DGKB: variants seen among roughly 807,000 people sequenced by gnomAD.
DGKB encodes diacylglycerol kinase beta, also known as 90 kDa diacylglycerol kinase.
DGKB carries 67 observed loss-of-function variants against 114.3 expected under a neutral mutation model. The ratio of observed to expected loss-of-function variants is 0.59; its 90% CI spans 0.48 to 0.72. DGKB has a LOEUF of 0.72. DGKB is among the 30% of genes least tolerant of loss of function. The pLI, the probability that DGKB is intolerant of heterozygous loss-of-function variation, is 0.00. For synonymous variants in DGKB, 398 were observed against 323.1 expected (o/e 1.23, Z -2.49); for missense variants, 907 against 975.2 (o/e 0.93, Z 0.93).
chr7:14,289,878 T>G (rs1801485002), intron 23 of DGKB, among the ~76,000 whole-genome samples: 1 of 149,966 alleles, frequency 6.7e-6, no homozygotes, highest in East Asian at 1.9e-4. Flanking sequence ...GCAAATCAAA[T>G]ATCATCATTA....
intron 2 of DGKB, among the ~76,000 whole-genome samples, chr7:14,793,066 GC>G (rs1840906660): frequency 6.6e-6 from 1 of 152,062 alleles, no homozygotes. Context: ...CAAAAAGACT[GC>G]CCCTACCAAA....
At chr7:14,420,738 T>C (rs1319459644) in intron 21 of DGKB, among the ~76,000 whole-genome samples, 1 of 152,114 alleles carries the variant, frequency 6.6e-6, no homozygotes, top group Non-Finnish European at 1.5e-5. Flanking sequence ...GTGGCTGAGA[T>C]GCTGATTCAG....
At chr7:14,194,346 C>T (rs146681044) in intron 23 of DGKB, among the ~76,000 whole-genome samples, 108 of 152,110 alleles carry the variant, frequency 7.1e-4, no homozygotes, top group African/African-American at 2.3e-3. Context: ...AAATATACAC[C>T]GTAGAATATT....
chr7:14,338,475 G>A, intron 23 of DGKB, 40 bp downstream of exon 23: 1 of 1,343,490 alleles, frequency 7.4e-7, no homozygotes, highest in Non-Finnish European at 1.0e-6. Flanking sequence ...TTGAAAACAG[G>A]TTAACAAGCA....
At chr7:14,283,334 C>G (rs1159593080) in intron 23 of DGKB, among the ~76,000 whole-genome samples, 1 of 151,292 alleles carries the variant, frequency 6.6e-6, no homozygotes, top group Admixed American at 6.8e-5. Flanking sequence ...TCAAGGAGAA[C>G]TACAAACCAC....
intron 21 of DGKB, among the ~76,000 whole-genome samples, chr7:14,453,372 G>C: frequency 6.6e-6 from 1 of 152,066 alleles, no homozygotes; most frequent in Non-Finnish European, 1.5e-5. Context: ...AAGCAAAATC[G>C]ACACAGATAA....
chr7:14,736,295 T>C, intron 4 of DGKB, 101 bp from the exon 5 acceptor site: 1 of 688,350 alleles, frequency 1.5e-6, no homozygotes, highest in Non-Finnish European at 2.3e-6. Context: ...CCTCAAACCA[T>C]TTTTATATCC....
intron 21 of DGKB, among the ~76,000 whole-genome samples, chr7:14,415,500 T>C (rs1426563653): frequency 6.8e-6 from 1 of 148,008 alleles, no homozygotes; most frequent in African/African-American, 2.5e-5. Context: ...AATTCCCACC[T>C]ATGAGTGAGA....
At chr7:14,190,261 TG>T (rs776289303) in intron 23 of DGKB, among the ~76,000 whole-genome samples, 155 of 152,158 alleles carry the variant, frequency 1.0e-3, no homozygotes, top group Non-Finnish European at 1.7e-3. Context: ...TACAAATAGA[TG>T]GAAGTTAAAC....
chr7:14,747,437 C>A (rs531589651), intron 4 of DGKB, among the ~76,000 whole-genome samples: 1 of 151,934 alleles, frequency 6.6e-6, no homozygotes, highest in Non-Finnish European at 1.5e-5. Context: ...TCCTGGTTAA[C>A]CCGTCCCTTT....
intron 21 of DGKB, among the ~76,000 whole-genome samples, chr7:14,452,925 T>C (rs1015191944): frequency 1.3e-5 from 2 of 152,218 alleles, no homozygotes; most frequent in Non-Finnish European, 2.9e-5. Context: ...CAATATCACA[T>C]GCCCTATATT....
At chr7:14,646,831 C>G (rs1202037274) in intron 13 of DGKB, among the ~76,000 whole-genome samples, 1 of 151,506 alleles carries the variant, frequency 6.6e-6, no homozygotes, top group Non-Finnish European at 1.5e-5. Flanking sequence ...AAAAGAAGTG[C>G]TAAGAGGGAA....
chr7:14,427,569 T>C (rs568981483), intron 21 of DGKB, among the ~76,000 whole-genome samples: 8 of 152,264 alleles, frequency 5.3e-5, no homozygotes, highest in Non-Finnish European at 1.0e-4. Flanking sequence ...TAGAGACATA[T>C]CTGAGACAGG....
At chr7:14,472,355 C>T (rs1376551286) in intron 21 of DGKB, among the ~76,000 whole-genome samples, 1 of 152,134 alleles carries the variant, frequency 6.6e-6, no homozygotes, top group Non-Finnish European at 1.5e-5. Context: ...CACAAGCTAG[C>T]TCTCTCATTG....
At chr7:14,850,795 C>G (rs1849250469) in intron 1 of DGKB, among the ~76,000 whole-genome samples, 1 of 152,170 alleles carries the variant, frequency 6.6e-6, no homozygotes, top group Non-Finnish European at 1.5e-5. Flanking sequence ...CAATCAGCTT[C>G]CTCTTAATTA....
chr7:14,957,923 A>G (rs73060826), intron 1 of DGKB, among the ~76,000 whole-genome samples: 26,907 of 152,020 alleles, frequency 0.18, 2,586 homozygotes, highest in African/African-American at 0.25. Context: ...TAAAATCATA[A>G]ATTTTAAAAG....
At chr7:14,524,519 G>T (rs1259910910) in intron 20 of DGKB, among the ~76,000 whole-genome samples, 1 of 152,148 alleles carries the variant, frequency 6.6e-6, no homozygotes. Flanking sequence ...ACTTTGGGAG[G>T]CCAAGGCGGG....
Position 14,197,653 on chromosome 7 carries a change from A to G in DGKB, c.2123-19502T>C, listed in dbSNP as rs188459475. 2.4e-4 allele frequency among the ~76,000 whole-genome samples: 37 copies of G among 152,296 alleles called. 1 individual carries two copies. The East Asian group carries it at 7.0e-3, about 29-fold the overall frequency. On this transcript the variant is annotated intron_variant, in intron 23 of 25. Coordinates refer to ENST00000402815, the MANE Select transcript of DGKB (RefSeq NM_001350709.2). ...GTTTGGACTGATTGCCACTTTTACCAGATAGTTTAAAGCTTCCATATAGAA... is the reference window on the plus strand; with the variant it reads ...GTTTGGACTGATTGCCACTTTTACCGGATAGTTTAAAGCTTCCATATAGAA...
At chr7:14,865,130 T>G (rs1218907041) in intron 1 of DGKB, among the ~76,000 whole-genome samples, 1 of 152,192 alleles carries the variant, frequency 6.6e-6, no homozygotes, top group East Asian at 1.9e-4. Context: ...ATGTAAATGT[T>G]AATTCCATTA....
Sources: gnomAD v4.1 joint callset for allele counts (sites outside exome capture counted in the v4.1 genomes callset) on GRCh38, gnomAD v4.1.1 for gene constraint, MANE v1.5 for transcripts, NCBI Gene and HGNC (gene_info 2026-07-23, HGNC 2026-07-21) for gene names.